Variants in DNAAF5 observed in about 807,000 individuals in gnomAD.
The protein encoded by DNAAF5 is dynein axonemal assembly factor 5, also known as HEAT repeat containing 2.
A neutral mutation model predicts 75.8 loss-of-function variants in DNAAF5; 64 were observed. The ratio of observed to expected loss-of-function variants is 0.84; its 90% CI spans 0.69 to 1.04. The LOEUF (loss-of-function observed/expected upper bound fraction) is 1.04, where lower values mean the gene tolerates loss of function less well. Among genes scored for constraint, DNAAF5 ranks in the 50% least tolerant of loss-of-function variants. The pLI is 0.00. For synonymous variants in DNAAF5, 657 were observed against 557.2 expected (o/e 1.18, Z -2.52); for missense variants, 1,269 against 1,178.5 (o/e 1.08, Z -1.12).
intron 2 of DNAAF5, among the ~76,000 whole-genome samples, chr7:739,914 C>T (rs949200422): frequency 1.2e-4 from 19 of 152,336 alleles, no homozygotes; most frequent in African/African-American, 4.3e-4. Flanking sequence ...CTACGACTGG[C>T]TGTGAGCGCT....
intron 4 of DNAAF5, among the ~76,000 whole-genome samples, chr7:753,003 C>T (rs537526213): frequency 3.3e-5 from 5 of 152,368 alleles, no homozygotes; most frequent in South Asian, 2.1e-4. Flanking sequence ...GAAAAGCACA[C>T]GGAAATGCCA....
intron 8 of DNAAF5, among the ~76,000 whole-genome samples, chr7:764,504 A>G (rs1299722049): frequency 6.6e-6 from 1 of 152,182 alleles, no homozygotes; most frequent in Non-Finnish European, 1.5e-5. Flanking sequence ...CTTGGGACAC[A>G]CGGCCCGCGC....
In DNAAF5 at chr7:726,988, G is replaced by A; in HGVS notation, c.268G>A (p.Glu90Lys). Residue 90 changes from glutamate (E) to lysine (K), a missense_variant, in exon 1 of 13, where the codon GAG becomes AAG. Glu to Lys is a moderately conservative substitution (Grantham distance 56, BLOSUM62 1). Transcript: ENST00000297440. The part of the protein sequence containing the change: ...RLLRCLSDPA[E>K]GCRALAVHLL... The stretch of plus-strand genomic sequence containing the variant: ...GCTGCGCTGCCTGAGCGACCCCGCC[G>A]AGGGCTGCCGCGCGCTGGCAGTGCA... 2 of 1,270,894 alleles carry A rather than the reference G, an allele frequency of 1.6e-6. No individual in the cohort carries two copies. The highest frequency in any genetic ancestry group is 3.6e-5 in the East Asian group (1 of 27,662). 78.7% of individuals were successfully genotyped at this position (1,270,894 alleles called of 1,614,324 possible). A position where few individuals can be genotyped will look rare whatever the true frequency, so the allele number is the denominator to read the frequency against.
intron 4 of DNAAF5, among the ~76,000 whole-genome samples, chr7:751,633 G>T (rs142819408): frequency 0.015 from 2,225 of 148,156 alleles, 37 homozygotes; most frequent in East Asian, 0.11. Context: ...GAGTGCAGTG[G>T]TGTAATCTTG....
intron 2 of DNAAF5, among the ~76,000 whole-genome samples, chr7:733,229 T>C (rs2128070389): frequency 6.6e-6 from 1 of 152,312 alleles, no homozygotes; most frequent in South Asian, 2.1e-4. Context: ...CTCCAGTTTT[T>C]TGTTTGTTTT....
At chr7:776,864 G>A (rs529231166) in intron 11 of DNAAF5, among the ~76,000 whole-genome samples, 22 of 152,312 alleles carry the variant, frequency 1.4e-4, no homozygotes, top group Non-Finnish European at 1.9e-4. Flanking sequence ...GTGGGCAAGC[G>A]AAACTTCATC....
chr7:734,760 G>A (rs1013402022), intron 2 of DNAAF5, among the ~76,000 whole-genome samples: 1 of 152,148 alleles, frequency 6.6e-6, no homozygotes, highest in African/African-American at 2.4e-5. Flanking sequence ...ACTTGTTACT[G>A]GTCTGTTCAA....
chr7:785,445 C>A (rs780497871), intron 12 of DNAAF5, 72 bp from the exon 13 acceptor site: 19 of 1,560,614 alleles, frequency 1.2e-5, no homozygotes, highest in Admixed American at 1.7e-5. Context: ...ACTACAAAGC[C>A]AATTTGCACG....
intron 8 of DNAAF5, 92 bp downstream of exon 8, chr7:764,066 C>G: frequency 7.2e-7 from 1 of 1,388,616 alleles, no homozygotes; most frequent in South Asian, 1.2e-5. Flanking sequence ...CAGCGCCGAC[C>G]AGCTGAGCTG....
At chr7:774,769 G>A (rs972369218) in intron 10 of DNAAF5, among the ~76,000 whole-genome samples, 2 of 152,228 alleles carry the variant, frequency 1.3e-5, no homozygotes, top group Non-Finnish European at 2.9e-5. Flanking sequence ...CATTACCCTG[G>A]TTTAGGGTTA....
At chr7:782,719 TC>T (rs1779011887) in intron 12 of DNAAF5, among the ~76,000 whole-genome samples, 1 of 109,346 alleles carries the variant, frequency 9.1e-6, no homozygotes, top group African/African-American at 3.9e-5. Context: ...AACTCGATCT[TC>T]CTGGCGTGGC....
At chr7:780,287 C>A (rs915054022) in intron 12 of DNAAF5, 143 bp downstream of exon 12, 13 of 689,334 alleles carry the variant, frequency 1.9e-5, no homozygotes, top group Non-Finnish European at 2.9e-5. Flanking sequence ...CTCTTGAGTT[C>A]TTGGCAAACC....
intron 4 of DNAAF5, among the ~76,000 whole-genome samples, chr7:745,157 A>C (rs551625046): frequency 1.3e-5 from 2 of 152,158 alleles, no homozygotes; most frequent in Non-Finnish European, 2.9e-5. Flanking sequence ...GCTGCTCCTT[A>C]GAGAGGGTCC....
chr7:777,556 C>A (rs560500989), intron 11 of DNAAF5, among the ~76,000 whole-genome samples: 1 of 135,542 alleles, frequency 7.4e-6, no homozygotes, highest in Non-Finnish European at 1.6e-5. Flanking sequence ...AGTTACCCAG[C>A]GAGGGAGAAA....
At chr7:750,865 C>T (rs1191174006) in intron 4 of DNAAF5, 2 of 167,084 alleles carry the variant, frequency 1.2e-5, no homozygotes, top group Admixed American at 1.3e-4. Flanking sequence ...GCAAACTTTC[C>T]AGAGCGGATC....
chr7:757,135 C>T, intron 6 of DNAAF5, 141 bp downstream of exon 6: 1 of 747,994 alleles, frequency 1.3e-6, no homozygotes, highest in Non-Finnish European at 2.1e-6. Context: ...GTCTGTGGGT[C>T]CGCCCCGTGC....
intron 2 of DNAAF5, among the ~76,000 whole-genome samples, chr7:739,644 C>G (rs902173891): frequency 9.2e-5 from 14 of 152,210 alleles, no homozygotes; most frequent in African/African-American, 3.4e-4. Context: ...TCAGGCGCAA[C>G]GGGCCTCTCC....
Position 783,592 on chromosome 7 carries a change from GTC to G in DNAAF5, c.2432-1920_2432-1919del, listed in dbSNP as rs1246649759. Among the ~76,000 whole-genome samples, 5 of 152,340 alleles carry G rather than the reference GTC, an allele frequency of 3.3e-5. No individual in the cohort carries two copies. The East Asian group carries it at 9.7e-4, about 29-fold the overall frequency. On this transcript the variant is annotated intron_variant, in intron 12 of 12. Coordinates refer to ENST00000297440, the MANE Select transcript of DNAAF5 (RefSeq NM_017802.4). Reference sequence around the variant, plus strand: ...CCATTGATCCACGGCGGGGCCCGTGGTCTCTCCAGGTCACGGAAAGAAGCTGC... The same window carrying G: ...CCATTGATCCACGGCGGGGCCCGTGGTCTCCAGGTCACGGAAAGAAGCTGC...
chr7:746,413 G>GCC (rs1209674232), intron 4 of DNAAF5, among the ~76,000 whole-genome samples: 6 of 47,246 alleles, frequency 1.3e-4, no homozygotes, highest in African/African-American at 6.2e-4. Context: ...TTACCGTCCT[G>GCC]CTGCCCCCCA....
Sources: allele counts gnomAD v4.1 joint callset (sites outside exome capture counted in the v4.1 genomes callset), GRCh38; gene constraint gnomAD v4.1.1; transcripts MANE v1.5; gene names NCBI Gene and HGNC (gene_info 2026-07-23, HGNC 2026-07-21).